RAB25: variants seen among roughly 807,000 people sequenced by gnomAD.
RAB25 encodes RAB25, member RAS oncogene family, also known as ras-related protein Rab-25.
RAB25 carries 23 observed loss-of-function variants against 25.2 expected under a neutral mutation model. The observed-to-expected ratio is 0.91, with a 90% CI of 0.66 to 1.29. The LOEUF is 1.29. Among genes scored for constraint, RAB25 ranks in the 50% most tolerant of loss-of-function variants. The pLI is 0.00. For synonymous variants in RAB25, 102 were observed against 111.5 expected, an observed-to-expected ratio of 0.91 and a Z score of 0.54; for missense variants, 244 against 277.3, an observed-to-expected ratio of 0.88 and a Z score of 0.85.
intron 3 of RAB25, 64 bp from the exon 4 acceptor site, chr1:156,069,607 T>C (rs1229270884): frequency 7.8e-7 from 1 of 1,279,568 alleles, no homozygotes. Context: ...ATAGCAAACA[T>C]TAATATTATT....
chr1:156,067,075 A>C (rs1415556873), intron 2 of RAB25, among the ~76,000 whole-genome samples: 2 of 152,078 alleles, frequency 1.3e-5, no homozygotes, highest in African/African-American at 4.8e-5. Context: ...TCTACTAAAA[A>C]TACAAAAATT....
At chr1:156,065,115 A>G (rs1347082850) in intron 1 of RAB25, among the ~76,000 whole-genome samples, 2 of 152,198 alleles carry the variant, frequency 1.3e-5, no homozygotes, top group East Asian at 3.8e-4. Context: ...GCTAACAACA[A>G]TCATACCAGT....
At chr1:156,063,442 C>T (rs914240899) in intron 1 of RAB25, among the ~76,000 whole-genome samples, 2 of 152,154 alleles carry the variant, frequency 1.3e-5, no homozygotes, top group East Asian at 1.9e-4. Context: ...TGAGCCACCG[C>T]GCCCAGCTCA....
chr1:156,065,419 A>C (rs1289977276), intron 1 of RAB25, among the ~76,000 whole-genome samples: 4 of 151,812 alleles, frequency 2.6e-5, no homozygotes, highest in Non-Finnish European at 5.9e-5. Flanking sequence ...CCTTACCCAC[A>C]CTTTGATTCA....
intron 1 of RAB25, among the ~76,000 whole-genome samples, chr1:156,062,219 AG>A (rs1647608802): frequency 6.6e-6 from 1 of 152,212 alleles, no homozygotes; most frequent in Admixed American, 6.5e-5. Flanking sequence ...TAGGGAAGAC[AG>A]AAAATATCAT....
At chr1:156,064,589 A>AT (rs1647686865) in intron 1 of RAB25, among the ~76,000 whole-genome samples, 1 of 151,926 alleles carries the variant, frequency 6.6e-6, no homozygotes, top group Non-Finnish European at 1.5e-5. Context: ...TAATTTTTGC[A>AT]TTTTTTGTAG....
chr1:156,066,393 A>G (rs1647746494), intron 2 of RAB25: 1 of 296,320 alleles, frequency 3.4e-6, no homozygotes, highest in Non-Finnish European at 6.2e-6. Context: ...ATTTTATGTA[A>G]CCCTTAAAGT....
chr1:156,065,053 C>A (rs147914263), intron 1 of RAB25, among the ~76,000 whole-genome samples: 45 of 152,264 alleles, frequency 3.0e-4, no homozygotes, highest in African/African-American at 1.0e-3. Context: ...GTCTTCATGG[C>A]CCCTCAGGTG....
At chr1:156,067,328 C>T (rs1647772872) in intron 2 of RAB25, among the ~76,000 whole-genome samples, 2 of 152,108 alleles carry the variant, frequency 1.3e-5, no homozygotes, top group Middle Eastern at 6.8e-3. Context: ...GGGTGGATAG[C>T]ACTTGCCAGG....
intron 2 of RAB25, among the ~76,000 whole-genome samples, chr1:156,066,769 T>C (rs1647757817): frequency 6.6e-6 from 1 of 150,988 alleles, no homozygotes; most frequent in Admixed American, 6.6e-5. Flanking sequence ...CAAAATCCTG[T>C]CTCTACCAAA....
Position 156,070,419 on chromosome 1 carries a change from A to T in RAB25, c.*132A>T, listed in dbSNP as rs939049091. ...TGTTCACAGCACCCTCAGGGTCTTA[A>T]GGTCTTCATGCCCTATCACAAATAC... On this transcript the variant is annotated 3_prime_UTR_variant, in exon 5 of 5. Transcript: ENST00000361084. 4 of 1,194,274 alleles carry T rather than the reference A, an allele frequency of 3.3e-6. No homozygotes were observed. Among genetic ancestry groups the T allele is most frequent in the Non-Finnish European group, 3.5e-6 (3 of 857,522 alleles). 74.0% of individuals were successfully genotyped at this position (1,194,274 alleles called of 1,614,324 possible).
intron 3 of RAB25, among the ~76,000 whole-genome samples, chr1:156,068,996 A>T (rs1327245774): frequency 6.6e-6 from 1 of 150,906 alleles, no homozygotes; most frequent in Non-Finnish European, 1.5e-5. Context: ...GCCCGTAGTT[A>T]ATTTTAAGGC....
chr1:156,066,926 C>T (rs1034418117), intron 2 of RAB25, among the ~76,000 whole-genome samples: 3 of 148,250 alleles, frequency 2.0e-5, no homozygotes, highest in African/African-American at 7.5e-5. Context: ...GGTGACAAAG[C>T]GATACTGTGT....
intron 3 of RAB25, among the ~76,000 whole-genome samples, chr1:156,069,150 TA>T (rs1315841675): frequency 4.6e-5 from 7 of 152,298 alleles, no homozygotes; most frequent in African/African-American, 1.7e-4. Flanking sequence ...GGCCAGTTAC[TA>T]AATGTGGGAC....
In RAB25 at chr1:156,068,345, A is replaced by C. The variant is rs537258526; in HGVS notation, c.315A>C (p.Arg105=). 3.1e-6 allele frequency: 5 copies of C among 1,614,062 alleles called. No homozygotes were observed. The South Asian group carries it at 5.5e-5, about 18-fold the overall frequency. The change falls in exon 3 of 5, where the codon CGA becomes CGC. Residue 105 remains arginine (R), a synonymous_variant. Transcript: ENST00000361084. ...TKHQTYAVVE[R]WLKELYDHAE... is the part of the protein sequence containing the mutation. Reference sequence around the variant, plus strand: ...ACCAGACCTATGCTGTGGTGGAGCGATGGCTGAAGGAGCTCTATGACCATG... The same window carrying C: ...ACCAGACCTATGCTGTGGTGGAGCGCTGGCTGAAGGAGCTCTATGACCATG...
At position 156,069,730 on chromosome 1, in the gene RAB25, G is replaced by C; in HGVS notation, c.493G>C (p.Ala165Pro). ...SALDSTNVEL[A>P]FETVLKEIFA... ...CCTGGACTCTACCAATGTTGAGCTA[G>C]CCTTTGAGACTGTCCTGAAAGGTTA... is the stretch of plus-strand genomic sequence containing the variant. The change falls in exon 4 of 5, where the codon GCC becomes CCC. Residue 165 changes from alanine (A) to proline (P), a missense_variant. Coordinates refer to ENST00000361084, the MANE Select transcript of RAB25 (RefSeq NM_020387.4). 1 of 1,612,662 alleles carries C rather than the reference G, an allele frequency of 6.2e-7. No individual in the cohort carries two copies. The highest frequency in any genetic ancestry group is 8.5e-7 in the Non-Finnish European group (1 of 1,178,752).
intron 2 of RAB25, 101 bp downstream of exon 2, chr1:156,066,207 G>C: frequency 4.2e-6 from 4 of 962,354 alleles, no homozygotes; most frequent in Non-Finnish European, 5.8e-6. Flanking sequence ...AGGGGGCTCA[G>C]CAGTGGGCTC....
Position 156,066,121 on chromosome 1 carries a change from G to T in RAB25, c.239+15G>T, listed in dbSNP as rs1256357589. 12 of 1,538,740 alleles carry T rather than the reference G, an allele frequency of 7.8e-6. No individual in the cohort carries two copies. Among genetic ancestry groups the T allele is most frequent in the Non-Finnish European group, 9.7e-6 (11 of 1,134,798 alleles). On this transcript the variant is annotated intron_variant, in intron 2 of 4. Coordinates refer to ENST00000361084, the MANE Select transcript of RAB25 (RefSeq NM_020387.4). ...ATCACCTCGGCGTGAGCCCGGGCCT[G>T]GGGGGCTGCTGGGTGGTGGGAGTTC...
chr1:156,068,033 G>A (rs541043505), intron 2 of RAB25, among the ~76,000 whole-genome samples: 67 of 152,256 alleles, frequency 4.4e-4, no homozygotes, highest in Non-Finnish European at 7.1e-4. Flanking sequence ...GATTACAGGC[G>A]TGAGCCACCG....
Sources: allele counts gnomAD v4.1 joint callset (sites outside exome capture counted in the v4.1 genomes callset), GRCh38; gene constraint gnomAD v4.1.1; transcripts MANE v1.5; gene names NCBI Gene and HGNC (gene_info 2026-07-23, HGNC 2026-07-21).